Variants in FLT4 observed in about 807,000 individuals in gnomAD.
The protein encoded by FLT4 is fms related receptor tyrosine kinase 4.
FLT4 carries 30 observed loss-of-function variants against 163.2 expected under a neutral mutation model. The observed-to-expected ratio is 0.18, with a 90% confidence interval of 0.14 to 0.25. The LOEUF is 0.25. FLT4 is among the 10% of genes least tolerant of loss of function. FLT4 has a pLI of 1.00. For synonymous variants in FLT4, 884 were observed against 789.5 expected, an observed-to-expected ratio of 1.12 and a Z score of -2.01; for missense variants, 1,510 against 1,863.8, an observed-to-expected ratio of 0.81 and a Z score of 3.50.
chr5:180,615,312 C>T (rs1315082839), intron 23 of FLT4, among the ~76,000 whole-genome samples: 3 of 128,782 alleles, frequency 2.3e-5, no homozygotes, highest in African/African-American at 5.6e-5. Flanking sequence ...GGTCACCTCC[C>T]TTCTCCACTT....
At chr5:180,606,820 A>T (rs1761811279) in intron 29 of FLT4, among the ~76,000 whole-genome samples, 1 of 151,254 alleles carries the variant, frequency 6.6e-6, no homozygotes, top group Non-Finnish European at 1.5e-5. Flanking sequence ...GCACCCTGGG[A>T]GGCTGAGGGC....
chr5:180,641,377 C>T (rs978942516), intron 1 of FLT4, among the ~76,000 whole-genome samples: 3 of 152,228 alleles, frequency 2.0e-5, no homozygotes, highest in African/African-American at 7.2e-5. Context: ...CATGGCCCTG[C>T]GGTGGCCACC....
chr5:180,631,337 G>A (rs960448633), intron 2 of FLT4, among the ~76,000 whole-genome samples: 3 of 152,236 alleles, frequency 2.0e-5, no homozygotes, highest in Admixed American at 2.0e-4. Flanking sequence ...GCCGGGCGTG[G>A]TGGCGGGCAC....
chr5:180,647,300 A>G (rs1765534951), intron 1 of FLT4, among the ~76,000 whole-genome samples: 1 of 152,138 alleles, frequency 6.6e-6, no homozygotes, highest in Non-Finnish European at 1.5e-5. Context: ...AGTCCAGCCC[A>G]AGCACACACA....
At chr5:180,646,177 T>A (rs1465212201) in intron 1 of FLT4, among the ~76,000 whole-genome samples, 3 of 152,132 alleles carry the variant, frequency 2.0e-5, no homozygotes, top group Admixed American at 2.0e-4. Context: ...TCCCATTGCC[T>A]ACCTCCACCC....
In FLT4 at chr5:180,620,554, C is replaced by T. The variant is rs1581646546; in HGVS notation, c.2406+55G>A. ...ACCTTATTCTTTATCTTAGGGGCGG[C>T]CAGGGTGGGGAAGGCCTGAGAGAGA... On this transcript the variant is annotated intron_variant, in intron 16 of 29. Coordinates refer to ENST00000261937, the MANE Select transcript of FLT4 (RefSeq NM_182925.5). This position sits in a 1 kb window ranked among gnomAD's most constrained non-coding sequence, Gnocchi z 4.4. 5 of 1,406,556 alleles carry T rather than the reference C, an allele frequency of 3.6e-6. No homozygotes were observed. The highest frequency in any genetic ancestry group is 5.0e-6 in the Non-Finnish European group (5 of 994,666). 87.1% of individuals were successfully genotyped at this position (1,406,556 alleles called of 1,614,324 possible).
intron 25 of FLT4, 141 bp from the exon 26 acceptor site, chr5:180,612,752 C>T (rs2127795035): frequency 1.4e-6 from 1 of 718,314 alleles, no homozygotes; most frequent in South Asian, 1.5e-5. Context: ...TACCCTCGTT[C>T]CTCCTTCAAG....
chr5:180,614,908 C>T (rs897142270), intron 23 of FLT4, among the ~76,000 whole-genome samples: 8 of 152,138 alleles, frequency 5.3e-5, no homozygotes, highest in South Asian at 2.1e-4. Flanking sequence ...AACCCTGACC[C>T]GCCTTGGAGG....
intron 8 of FLT4, 79 bp from the exon 9 acceptor site, chr5:180,626,344 AC>A: frequency 6.7e-7 from 1 of 1,486,966 alleles, no homozygotes; most frequent in East Asian, 2.3e-5. Flanking sequence ...CACCCCAAAT[AC>A]AGTTGGGAGG....
chr5:180,615,199 G>GCCA (rs2127799759), intron 23 of FLT4, among the ~76,000 whole-genome samples: 1 of 115,502 alleles, frequency 8.7e-6, no homozygotes, highest in East Asian at 2.4e-4. Flanking sequence ...GGGCCCCGCT[G>GCCA]GTCACCTCCC....
intron 19 of FLT4, 21 bp from the exon 20 acceptor site, chr5:180,619,130 G>A (rs888489662): frequency 2.4e-5 from 36 of 1,478,654 alleles, no homozygotes; most frequent in Non-Finnish European, 3.1e-5. Flanking sequence ...ACCGGGCGGC[G>A]GCCGTGCGTT....
At chr5:180,631,543 T>C (rs1764161704) in intron 2 of FLT4, 139 bp downstream of exon 2, 2 of 721,646 alleles carry the variant, frequency 2.8e-6, no homozygotes, top group African/African-American at 1.7e-5. Flanking sequence ...ACCCACAGCC[T>C]GGGAGACCAC....
At chr5:180,608,770 G>A (rs542149233) in intron 29 of FLT4, among the ~76,000 whole-genome samples, 198 bp downstream of exon 29, 1 of 152,318 alleles carries the variant, frequency 6.6e-6, no homozygotes, top group Non-Finnish European at 1.5e-5. Flanking sequence ...CACGTGGCCA[G>A]CATGTGACAG....
chr5:180,608,886 G>A, intron 29 of FLT4, 82 bp downstream of exon 29: 1 of 1,207,724 alleles, frequency 8.3e-7, no homozygotes. Flanking sequence ...AAGAGGGCTG[G>A]GCACACCCAG....
chr5:180,629,474 C>T (rs1380192221), intron 6 of FLT4, 47 bp from the exon 7 acceptor site: 3 of 1,601,080 alleles, frequency 1.9e-6, no homozygotes, highest in East Asian at 2.2e-5. Flanking sequence ...GGCTCCTGCA[C>T]AGCTACCCCA....
intron 1 of FLT4, among the ~76,000 whole-genome samples, chr5:180,633,958 C>A (rs1396523263): frequency 1.3e-5 from 2 of 152,068 alleles, no homozygotes; most frequent in African/African-American, 4.8e-5. Context: ...CTCAGGAGTG[C>A]ACATCCAGCA....
At position 180,621,573 on chromosome 5, in the gene FLT4, C is replaced by T; in HGVS notation, c.1989G>A (p.Lys663=). Residue 663 remains lysine, a synonymous_variant, in exon 13 of 30, where the codon AAG becomes AAA. Coordinates refer to ENST00000261937, the MANE Select transcript of FLT4 (RefSeq NM_182925.5). ...CEVQDRRSHD[K]HCHKKYLSVQ... ...CCGACAGGTACTTCTTGTGGCAGTG[C>T]TTGTCATGGCTGCGCCGGTCTTGCA... The T allele has an allele frequency of 1.2e-6, 2 of 1,612,064 alleles. No individual in the cohort carries two copies. Among genetic ancestry groups the T allele is most frequent in the Non-Finnish European group, 1.7e-6 (2 of 1,179,486 alleles).
In FLT4 at chr5:180,612,938, T is replaced by A. The variant is rs978975720; in HGVS notation, c.3431+73A>T. ...TGGCCCTGGCTTCCCTGATGCCACC[T>A]TCTCATGGACACAACCCCCACGCCC... On this transcript the variant is annotated intron_variant, in intron 25 of 29. Coordinates refer to ENST00000261937, the MANE Select transcript of FLT4 (RefSeq NM_182925.5). The A allele has an allele frequency of 1.7e-5, 20 of 1,194,344 alleles. No homozygotes were observed. The African/African-American group carries it at 2.8e-4, about 17-fold the overall frequency. 74.0% of individuals were successfully genotyped at this position (1,194,344 alleles called of 1,614,324 possible).
intron 1 of FLT4, among the ~76,000 whole-genome samples, chr5:180,644,884 A>C (rs889038868): frequency 6.6e-5 from 10 of 152,248 alleles, no homozygotes; most frequent in Non-Finnish European, 8.8e-5. Context: ...TCTGAGGCAC[A>C]CTGTGAGCGG....
Sources: gnomAD v4.1 joint callset for allele counts (sites outside exome capture counted in the v4.1 genomes callset) on GRCh38, gnomAD v4.1.1 for gene constraint, Gnocchi (gnomAD v3.1) non-coding constraint, MANE v1.5 for transcripts, NCBI Gene and HGNC (gene_info 2026-07-23, HGNC 2026-07-21) for gene names.